Variants in MTDH observed in about 807,000 individuals in gnomAD.
The protein encoded by MTDH is metadherin, also known as protein LYRIC.
In MTDH, 34 loss-of-function variants were observed where a neutral mutation model predicts 72.7. The ratio of observed to expected loss-of-function variants is 0.47; its 90% CI spans 0.36 to 0.62. The LOEUF (loss-of-function observed/expected upper bound fraction) is 0.62. Ranked by LOEUF, MTDH falls within the 20% of genes least tolerant of loss-of-function variation. The pLI is 0.00. For missense variants in MTDH, 677 were observed against 699.4 expected (o/e 0.97, Z 0.36); for synonymous variants, 266 against 268.9 (o/e 0.99, Z 0.10).
At chr8:97,670,679 G>A (rs961633549) in intron 2 of MTDH, among the ~76,000 whole-genome samples, 1 of 152,114 alleles carries the variant, frequency 6.6e-6, no homozygotes, top group African/African-American at 2.4e-5. Context: ...ATAAAGAAAA[G>A]AGGGTTCAGT....
rs1397037933 is a variant in MTDH, at chr8:97,664,431, A to G, written c.483+3258A>G. On this transcript the variant is annotated intron_variant, in intron 2 of 11. Transcript: ENST00000336273. ...ATTCTGATTCGAAAAAGTTCTTTTT[A>G]TCATTTAACAGTGCCACCTTTCAGT... is the stretch of plus-strand genomic sequence containing the variant. Among the ~76,000 whole-genome samples the G allele has an allele frequency of 2.0e-5, 3 of 150,870 alleles. No individual in the cohort carries two copies. The East Asian group carries it at 5.8e-4, about 29-fold the overall frequency.
chr8:97,714,567 T>G (rs1227603665), intron 9 of MTDH, among the ~76,000 whole-genome samples: 1 of 151,206 alleles, frequency 6.6e-6, no homozygotes, highest in East Asian at 1.9e-4. Flanking sequence ...ATCACACTAC[T>G]GTACTCCAGC....
At chr8:97,669,254 A>G (rs942889586) in intron 2 of MTDH, among the ~76,000 whole-genome samples, 2 of 151,918 alleles carry the variant, frequency 1.3e-5, no homozygotes, top group East Asian at 3.9e-4. Flanking sequence ...GGTTCAAGCA[A>G]TTCTCCTGCC....
intron 8 of MTDH, 125 bp downstream of exon 8, chr8:97,706,875 T>G: frequency 9.0e-7 from 1 of 1,105,916 alleles, no homozygotes; most frequent in Non-Finnish European, 1.2e-6. Context: ...GCCCAGGAGT[T>G]CAAGGCCAGC....
chr8:97,656,368 G>A (rs989004639), intron 1 of MTDH, among the ~76,000 whole-genome samples: 1 of 145,276 alleles, frequency 6.9e-6, no homozygotes, highest in African/African-American at 2.6e-5. Flanking sequence ...GCAGTGGCGC[G>A]ATCTCAGCTC....
intron 2 of MTDH, among the ~76,000 whole-genome samples, chr8:97,680,417 G>C (rs1334406801): frequency 6.6e-6 from 1 of 152,074 alleles, no homozygotes; most frequent in East Asian, 1.9e-4. Context: ...TGTTCCACGT[G>C]CAAATATTGT....
chr8:97,651,848 T>C (rs1407710992), intron 1 of MTDH, among the ~76,000 whole-genome samples: 4 of 152,202 alleles, frequency 2.6e-5, no homozygotes, highest in Non-Finnish European at 5.9e-5. Flanking sequence ...GAACCTATTA[T>C]TTCTTGCCTT....
chr8:97,707,149 T>G (rs1814386824), intron 8 of MTDH, among the ~76,000 whole-genome samples: 1 of 151,450 alleles, frequency 6.6e-6, no homozygotes, highest in Non-Finnish European at 1.5e-5. Context: ...GCAGTCTTTT[T>G]TTCTTTTTTT....
At chr8:97,682,760 T>C (rs1171025679) in intron 2 of MTDH, among the ~76,000 whole-genome samples, 1 of 151,796 alleles carries the variant, frequency 6.6e-6, no homozygotes, top group Admixed American at 6.6e-5. Context: ...TAAAAAAAAA[T>C]CTTATTTATA....
chr8:97,666,123 G>A (rs961936965), intron 2 of MTDH, among the ~76,000 whole-genome samples: 3 of 130,572 alleles, frequency 2.3e-5, no homozygotes, highest in African/African-American at 6.1e-5. Context: ...GCGAGACTCC[G>A]TCTCAAAAAA....
intron 3 of MTDH, among the ~76,000 whole-genome samples, chr8:97,687,193 A>G (rs916561544): frequency 3.9e-5 from 6 of 152,184 alleles, no homozygotes; most frequent in African/African-American, 9.7e-5. Context: ...TTTCTAAACC[A>G]TAGATGACAG....
At chr8:97,707,415 G>A (rs2131050093) in intron 8 of MTDH, among the ~76,000 whole-genome samples, 2 of 148,154 alleles carry the variant, frequency 1.3e-5, no homozygotes, top group African/African-American at 5.0e-5. Flanking sequence ...CCCCCAAAGT[G>A]CTGGGATTAC....
intron 10 of MTDH, among the ~76,000 whole-genome samples, chr8:97,720,945 C>T (rs958040565): frequency 1.3e-5 from 2 of 151,972 alleles, no homozygotes; most frequent in South Asian, 2.1e-4. Context: ...CGAGCCACCA[C>T]GCCCGGCCTC....
At chr8:97,655,549 CT>C (rs936138680) in intron 1 of MTDH, among the ~76,000 whole-genome samples, 6 of 152,174 alleles carry the variant, frequency 3.9e-5, no homozygotes, top group Non-Finnish European at 5.9e-5. Flanking sequence ...TGTCCAGGCC[CT>C]TTTGACCACC....
chr8:97,687,574 A>G lies in MTDH; in HGVS notation c.714A>G (p.Ala238=), dbSNP rs369216290. ...TTACCACCGAGCAACTTACAACCGC[A>G]TCATTTCCTGTTGGTTCCAAGAAGA... ...ITVTTEQLTT[A]SFPVGSKKNK... Residue 238 remains alanine, a synonymous_variant, in exon 4 of 12, where the codon GCA becomes GCG. Coordinates refer to ENST00000336273, the MANE Select transcript of MTDH (RefSeq NM_178812.4). 6 of 1,610,300 alleles carry G rather than the reference A, an allele frequency of 3.7e-6. No individual in the cohort carries two copies. The highest frequency in any genetic ancestry group is 1.3e-5 in the African/African-American group (1 of 74,700).
chr8:97,647,687 C>A (rs924249738), intron 1 of MTDH, among the ~76,000 whole-genome samples: 1 of 152,194 alleles, frequency 6.6e-6, no homozygotes, highest in Admixed American at 6.5e-5. Context: ...TTCAGTGTAT[C>A]TTGTTTACAA....
In MTDH at chr8:97,683,045, C is replaced by CTTTTT. The variant is rs71271144; in HGVS notation, c.484-3590_484-3586dup. 3.6e-3 allele frequency among the ~76,000 whole-genome samples: 162 copies of CTTTTT among 44,386 alleles called. 60 individuals carry two copies. Among genetic ancestry groups the CTTTTT allele is most frequent in the East Asian group, 0.01 (10 of 1,000 alleles). 29.1% of individuals were successfully genotyped at this position (44,386 alleles called of 152,430 possible). Reference sequence around the variant, plus strand: ...CTTTACCCTATGATGCTCTTAGACACTTTTTTTTTTTTTTTTTTTTTTTTT... The same window carrying CTTTTT: ...CTTTACCCTATGATGCTCTTAGACACTTTTTTTTTTTTTTTTTTTTTTTTTTTTTT... On this transcript the variant is annotated intron_variant, in intron 2 of 11. Coordinates refer to ENST00000336273, the MANE Select transcript of MTDH (RefSeq NM_178812.4).
chr8:97,699,348 G>C (rs1814006737), intron 6 of MTDH, among the ~76,000 whole-genome samples: 1 of 151,784 alleles, frequency 6.6e-6, no homozygotes, highest in Non-Finnish European at 1.5e-5. Context: ...GAGGTAGGAG[G>C]ATCTCTTGAG....
At chr8:97,668,596 C>G (rs1187619083) in intron 2 of MTDH, among the ~76,000 whole-genome samples, 1 of 152,008 alleles carries the variant, frequency 6.6e-6, no homozygotes, top group African/African-American at 2.4e-5. Flanking sequence ...CTCTTGTCAC[C>G]CAGGCTGGAG....
Sources: allele counts gnomAD v4.1 joint callset (sites outside exome capture counted in the v4.1 genomes callset), GRCh38; gene constraint gnomAD v4.1.1; transcripts MANE v1.5; gene names NCBI Gene and HGNC (gene_info 2026-07-23, HGNC 2026-07-21).